The following PUM1 variants were observed in gnomAD, a reference collection of about 807,000 sequenced individuals.
The protein encoded by PUM1 is pumilio homolog 1.
PUM1 carries 13 observed loss-of-function variants against 131.8 expected under a neutral mutation model. The observed-to-expected ratio is 0.10, with a 90% CI of 0.06 to 0.16. The LOEUF is 0.16. Among genes scored for constraint, PUM1 ranks in the 10% least tolerant of loss-of-function variants. The pLI is 1.00. For missense variants in PUM1, 961 were observed against 1,512.4 expected (o/e 0.64, Z 6.05); for synonymous variants, 509 against 556.5 (o/e 0.91, Z 1.20).
intron 12 of PUM1, 127 bp downstream of exon 12, chr1:30,967,040 G>T: frequency 1.6e-4 from 166 of 1,035,792 alleles, no homozygotes; most frequent in South Asian, 6.0e-4. Context: ...ATCTCTTTTT[G>T]AAACATTACA....
intron 2 of PUM1, among the ~76,000 whole-genome samples, chr1:31,038,221 A>C (rs1643681271): frequency 6.6e-6 from 1 of 151,542 alleles, no homozygotes. Context: ...AAAAAGAGAG[A>C]GAGAAATATG....
chr1:31,032,382 G>A (rs1460450100), intron 2 of PUM1, among the ~76,000 whole-genome samples: 4 of 152,130 alleles, frequency 2.6e-5, no homozygotes, highest in Non-Finnish European at 5.9e-5. Context: ...CCATGATAAA[G>A]GAGAAAAGCT....
intron 5 of PUM1, among the ~76,000 whole-genome samples, chr1:31,001,710 A>AT (rs1193955930): frequency 2.0e-5 from 3 of 152,044 alleles, no homozygotes; most frequent in Admixed American, 6.6e-5. Flanking sequence ...CAATTTTCAC[A>AT]TTTTTTCCCC....
intron 5 of PUM1, among the ~76,000 whole-genome samples, chr1:31,005,006 G>A (rs1456174774): frequency 6.6e-6 from 1 of 152,180 alleles, no homozygotes; most frequent in Non-Finnish European, 1.5e-5. Flanking sequence ...CAGGAGAAAG[G>A]GAGGGAAGAA....
rs116287857 is a variant in PUM1 at position 31,055,941 on chromosome 1, T to C, written c.363+3263A>G. Among the ~76,000 whole-genome samples, 4 of 152,318 alleles carry C rather than the reference T, an allele frequency of 2.6e-5. No homozygotes were observed. The East Asian group carries it at 5.8e-4, about 22-fold the overall frequency. ...AACAAAAGATCTTATAGATCTTTAT[T>C]ACAGATTTTAAAAAACCAATGTTTA... On this transcript the variant is annotated intron_variant, in intron 2 of 21. Coordinates refer to ENST00000426105, the MANE Select transcript of PUM1 (RefSeq NM_001020658.2).
At chr1:31,033,449 G>A (rs1325504567) in intron 2 of PUM1, among the ~76,000 whole-genome samples, 1 of 145,482 alleles carries the variant, frequency 6.9e-6, no homozygotes, top group African/African-American at 2.5e-5. Flanking sequence ...GCGGACTGCA[G>A]TGGCGCAATC....
intron 6 of PUM1, among the ~76,000 whole-genome samples, chr1:30,993,022 A>T (rs1375556605): frequency 6.6e-6 from 1 of 152,010 alleles, no homozygotes; most frequent in Non-Finnish European, 1.5e-5. Context: ...TACTCTATCT[A>T]CTCTTTAAAT....
At chr1:30,969,317 AAAAAAAAAAAAAAAAAAAAG>A (rs923947957) in intron 10 of PUM1, among the ~76,000 whole-genome samples, 6 of 112,538 alleles carry the variant, frequency 5.3e-5, no homozygotes, top group African/African-American at 2.2e-4. Flanking sequence ...ACACACACAC[AAAAAAAAAAAAAAAAAAAAG>A]AAAAAAAAAG....
At chr1:30,970,911 C>A in intron 10 of PUM1, among the ~76,000 whole-genome samples, 1 of 152,040 alleles carries the variant, frequency 6.6e-6, no homozygotes, top group East Asian at 1.9e-4. Flanking sequence ...GTAGAGTGGA[C>A]AAGGTACCTA....
intron 16 of PUM1, among the ~76,000 whole-genome samples, 194 bp downstream of exon 16, chr1:30,952,040 T>C (rs1193051979): frequency 1.3e-5 from 2 of 152,152 alleles, no homozygotes; most frequent in Non-Finnish European, 2.9e-5. Context: ...CATTATCTGC[T>C]CGGATATTTA....
chr1:30,956,039 T>C (rs967438833), intron 14 of PUM1, among the ~76,000 whole-genome samples: 2 of 152,190 alleles, frequency 1.3e-5, no homozygotes, highest in South Asian at 2.1e-4. Flanking sequence ...AAACCCAAAA[T>C]TGTCATGGCC....
chr1:31,046,678 G>A (rs1643976136), intron 2 of PUM1, among the ~76,000 whole-genome samples: 1 of 151,646 alleles, frequency 6.6e-6, no homozygotes, highest in Non-Finnish European at 1.5e-5. Context: ...CAGCATGTTG[G>A]TCAGTCTGGT....
At position 31,053,986 on chromosome 1, in the gene PUM1, G is replaced by A. The variant is rs1183497292; in HGVS notation, c.363+5218C>T. ...GTGCACACTTGTAGTCCCAGCTACT[G>A]GGGAGACTGAGGCAGGAGAATCACT... On this transcript the variant is annotated intron_variant, in intron 2 of 21. Transcript: ENST00000426105. Among the ~76,000 whole-genome samples the A allele has an allele frequency of 2.6e-5, 4 of 151,226 alleles. No homozygotes were observed. In the South Asian group the frequency reaches 6.3e-4, roughly 24 times the overall value.
chr1:30,971,526 T>A (rs917251532), intron 10 of PUM1, among the ~76,000 whole-genome samples: 4 of 152,216 alleles, frequency 2.6e-5, no homozygotes, highest in African/African-American at 9.6e-5. Flanking sequence ...GCCCTAGTTG[T>A]AAGCTAGTTA....
chr1:31,063,441 G>C (rs1474569508), intron 1 of PUM1, among the ~76,000 whole-genome samples: 66 of 152,068 alleles, frequency 4.3e-4, no homozygotes, highest in Admixed American at 4.3e-3. Context: ...AATCTTTTCT[G>C]AAATAAAAGC....
intron 1 of PUM1, among the ~76,000 whole-genome samples, chr1:31,059,920 C>T (rs1570376876): frequency 6.6e-6 from 1 of 151,788 alleles, no homozygotes; most frequent in East Asian, 2.0e-4. Flanking sequence ...GATCTCGGCT[C>T]ACTACAGCCT....
chr1:30,964,314 G>T (rs1250658190), intron 14 of PUM1, among the ~76,000 whole-genome samples: 2 of 152,118 alleles, frequency 1.3e-5, no homozygotes, highest in African/African-American at 4.8e-5. Context: ...AATTGTGGTG[G>T]TATTTCAGGT....
intron 9 of PUM1, 146 bp from the exon 10 acceptor site, chr1:30,974,948 CTT>C (rs1641074251): frequency 3.4e-6 from 2 of 580,810 alleles, no homozygotes; most frequent in African/African-American, 1.9e-5. Context: ...ATCATTAACT[CTT>C]TTTAAAGAAT....
intron 2 of PUM1, chr1:31,055,416 C>T (rs1202768689): frequency 2.2e-6 from 1 of 456,160 alleles, no homozygotes; most frequent in Admixed American, 2.4e-5. Flanking sequence ...AGTCTCTGAT[C>T]TAGAATAGTT....
Sources: gnomAD v4.1 joint callset for allele counts (sites outside exome capture counted in the v4.1 genomes callset) on GRCh38, gnomAD v4.1.1 for gene constraint, MANE v1.5 for transcripts, NCBI Gene and HGNC (gene_info 2026-07-23, HGNC 2026-07-21) for gene names.